KIF26B: variants seen among roughly 807,000 people sequenced by gnomAD.
KIF26B encodes kinesin family member 26B, also known as kinesin-like protein KIF26B.
Under a neutral mutation model 151.2 loss-of-function variants are expected in KIF26B, and 63 were observed. That is an observed-to-expected ratio of 0.42 (90% CI 0.34 to 0.51). The LOEUF (loss-of-function observed/expected upper bound fraction) is 0.51, where lower values mean the gene tolerates loss of function less well. Ranked by LOEUF, KIF26B falls within the 20% of genes least tolerant of loss-of-function variation. The pLI, the probability that KIF26B is intolerant of heterozygous loss-of-function variation, is 0.07. For synonymous variants in KIF26B, 1,357 were observed against 1,262.1 expected (o/e 1.08, Z -1.59); for missense variants, 2,813 against 2,913.6 (o/e 0.97, Z 0.79).
Position 245,157,878 on chromosome 1 carries a change from C to T in KIF26B, c.465+1195C>T, listed in dbSNP as rs547543080. Among the ~76,000 whole-genome samples the T allele has an allele frequency of 7.2e-5, 11 of 152,370 alleles. No individual in the cohort carries two copies. In the East Asian group the frequency reaches 2.1e-3, roughly 29 times the overall value. On this transcript the variant is annotated intron_variant, in intron 2 of 14. Transcript: ENST00000407071. The stretch of plus-strand genomic sequence containing the variant: ...TTCTTCATTCACAGATTTATTTGCT[C>T]TCGTGATCCTTCATCAATATTCATT...
chr1:245,613,760 C>CCA (rs2043553889), intron 9 of KIF26B, among the ~76,000 whole-genome samples: 4 of 152,230 alleles, frequency 2.6e-5, no homozygotes, highest in Admixed American at 2.6e-4. Flanking sequence ...CTCCCTTCCC[C>CCA]CACCTCGGTG....
Position 245,412,078 on chromosome 1 carries a change from G to A in KIF26B, c.1000-7501G>A, listed in dbSNP as rs137977983. 5.8e-4 allele frequency among the ~76,000 whole-genome samples: 89 copies of A among 152,234 alleles called. 1 individual carries two copies. In the East Asian group the frequency reaches 0.015, roughly 25 times the overall value. ...TTCTGGCATATTCTAAGAGCATAAC[G>A]GCTGACAGCATAGACACATCCTAAG... On this transcript the variant is annotated intron_variant, in intron 3 of 14. Transcript: ENST00000407071.
At chr1:245,212,095 G>A (rs1028309924) in intron 2 of KIF26B, among the ~76,000 whole-genome samples, 3 of 152,156 alleles carry the variant, frequency 2.0e-5, no homozygotes, top group Non-Finnish European at 2.9e-5. Flanking sequence ...GACCCTTCCC[G>A]ACAACACTGC....
chr1:245,483,894 A>G (rs1423140907), intron 4 of KIF26B, among the ~76,000 whole-genome samples: 1 of 151,852 alleles, frequency 6.6e-6, no homozygotes, highest in East Asian at 1.9e-4. Context: ...ACTCTTAGTA[A>G]TGTATTAGTA....
chr1:245,416,834 T>C (rs939350915), intron 3 of KIF26B, among the ~76,000 whole-genome samples: 2 of 152,220 alleles, frequency 1.3e-5, no homozygotes, highest in African/African-American at 2.4e-5. Context: ...TGGTCTGTTA[T>C]TTCTGAAAGT....
intron 2 of KIF26B, among the ~76,000 whole-genome samples, chr1:245,350,189 G>C (rs745505170): frequency 5.3e-5 from 8 of 152,110 alleles, no homozygotes; most frequent in Non-Finnish European, 8.8e-5. Flanking sequence ...TCAGAGGTGT[G>C]CACAGGGCTG....
At chr1:245,182,976 C>T (rs1668935157) in intron 2 of KIF26B, among the ~76,000 whole-genome samples, 1 of 152,206 alleles carries the variant, frequency 6.6e-6, no homozygotes, top group African/African-American at 2.4e-5. Context: ...AATGGCAGCA[C>T]CATTTTATAT....
chr1:245,560,853 T>C lies in KIF26B; in HGVS notation c.1350+19903T>C, dbSNP rs2042940288. Among the ~76,000 whole-genome samples the C allele has an allele frequency of 6.6e-6, 1 of 152,124 alleles. No homozygotes were observed. The highest frequency in any genetic ancestry group is 1.5e-5 in the Non-Finnish European group (1 of 68,026). Reference sequence around the variant, plus strand: ...CCTCCGCAGACTCCCGTGTGTGTGCTCTGGAGAGAAAAGATTCTGGATTTG... The same window carrying C: ...CCTCCGCAGACTCCCGTGTGTGTGCCCTGGAGAGAAAAGATTCTGGATTTG... On this transcript the variant is annotated intron_variant, in intron 5 of 14. Transcript: ENST00000407071. This position sits in a 1 kb window ranked among gnomAD's most constrained non-coding sequence, Gnocchi z 4.3.
intron 3 of KIF26B, among the ~76,000 whole-genome samples, chr1:245,408,115 A>C (rs1362813386): frequency 6.6e-6 from 1 of 152,118 alleles, no homozygotes; most frequent in African/African-American, 2.4e-5. Context: ...CTCTGGCCTG[A>C]CCCTGACATC....
In KIF26B at chr1:245,686,016, G is replaced by A. The variant is rs375127882; in HGVS notation, c.3033G>A (p.Ala1011=). ...MQRSHSPVPA[A]APAHSPSPAS... The stretch of plus-strand genomic sequence containing the variant: ...GGAGTCACTCACCTGTGCCCGCCGC[G>A]GCACCCGCCCACAGCCCCAGCCCGG... Residue 1011 remains alanine, a synonymous_variant, in exon 12 of 15, where the codon GCG becomes GCA. Transcript: ENST00000407071. This position sits in a 1 kb window ranked among gnomAD's most constrained non-coding sequence, Gnocchi z 5.6. 1.9e-4 allele frequency: 300 copies of A among 1,592,004 alleles called. No homozygotes were observed. The African/African-American group carries it at 3.5e-3, about 18-fold the overall frequency.
chr1:245,691,501 G>A (rs182704291), intron 12 of KIF26B, among the ~76,000 whole-genome samples: 4 of 152,326 alleles, frequency 2.6e-5, no homozygotes, highest in African/African-American at 9.6e-5. Flanking sequence ...TTCAGGTTAG[G>A]TGACCTTGTC....
chr1:245,685,892 G>A lies in KIF26B; in HGVS notation c.2909G>A (p.Gly970Glu). Residue 970 changes from glycine to glutamate, a missense_variant, in exon 12 of 15, where the codon GGG (glycine) becomes GAG (glutamate). Gly to Glu is a moderately conservative substitution (Grantham distance 98). Coordinates refer to ENST00000407071, the MANE Select transcript of KIF26B (RefSeq NM_018012.4). ...SRGPRLSQAAGASPLSESDKE... is the reference protein window; with the variant it reads ...SRGPRLSQAAEASPLSESDKE... ...GGCCCCCGGTTAAGCCAAGCAGCGGGGGCAAGCCCACTCTCTGAGTCTGAT... is the reference window on the plus strand; with the variant it reads ...GGCCCCCGGTTAAGCCAAGCAGCGGAGGCAAGCCCACTCTCTGAGTCTGAT... 2.5e-6 allele frequency: 4 copies of A among 1,612,990 alleles called. No individual in the cohort carries two copies. Among genetic ancestry groups the A allele is most frequent in the Admixed American group, 1.7e-5 (1 of 59,976 alleles).
At position 245,703,681 on chromosome 1, in the gene KIF26B, G is replaced by C. The variant is rs1402199941; in HGVS notation, c.*1075G>C. 1 of 152,190 alleles carries C rather than the reference G, an allele frequency of 6.6e-6. No individual in the cohort carries two copies. Among genetic ancestry groups the C allele is most frequent in the Non-Finnish European group, 1.5e-5 (1 of 68,036 alleles). The allele number at this position is 152,190 out of a possible 1,614,324, so 9.4% of individuals were successfully genotyped here. On this transcript the variant is annotated 3_prime_UTR_variant, in exon 15 of 15. Coordinates refer to ENST00000407071, the MANE Select transcript of KIF26B (RefSeq NM_018012.4). ...TCTTTCTTTAGTATTTTCTAGTGTTGTGTTGTAGATTGATTAAAGTGGGTT... is the reference window on the plus strand; with the variant it reads ...TCTTTCTTTAGTATTTTCTAGTGTTCTGTTGTAGATTGATTAAAGTGGGTT...
intron 4 of KIF26B, among the ~76,000 whole-genome samples, chr1:245,430,907 A>G (rs1658761962): frequency 1.3e-5 from 2 of 152,216 alleles, no homozygotes; most frequent in South Asian, 4.1e-4. Flanking sequence ...AGAGGCCACA[A>G]GCCAGAATAT....
chr1:245,482,154 C>T (rs61470376), intron 4 of KIF26B, among the ~76,000 whole-genome samples: 27,482 of 151,692 alleles, frequency 0.18, 2,955 homozygotes, highest in East Asian at 0.25. Flanking sequence ...TGCAGTGGCA[C>T]GATCTCGGCT....
intron 4 of KIF26B, among the ~76,000 whole-genome samples, chr1:245,480,807 A>C (rs1022871416): frequency 4.0e-5 from 6 of 151,070 alleles, no homozygotes; most frequent in Non-Finnish European, 7.4e-5. Context: ...GAGAGAGAGA[A>C]ATGTTTAAAG....
chr1:245,694,476 T>C (rs1254369790), intron 12 of KIF26B, among the ~76,000 whole-genome samples: 1 of 152,196 alleles, frequency 6.6e-6, no homozygotes, highest in Non-Finnish European at 1.5e-5. Context: ...CAGGGGGAGC[T>C]GAGAGGGCTC....
At chr1:245,419,462 G>A in intron 3 of KIF26B, 117 bp from the exon 4 acceptor site, 1 of 856,662 alleles carries the variant, frequency 1.2e-6, no homozygotes, top group Non-Finnish European at 1.8e-6. Flanking sequence ...ACTGAATGCA[G>A]GTGGGATAGA....
chr1:245,206,638 G>A (rs940027467), intron 2 of KIF26B: 1 of 152,174 alleles, frequency 6.6e-6, no homozygotes, highest in Non-Finnish European at 1.5e-5. Flanking sequence ...GGAGAATACT[G>A]GAGAGTGGTC....
Sources: gnomAD v4.1 joint callset for allele counts (sites outside exome capture counted in the v4.1 genomes callset) on GRCh38, gnomAD v4.1.1 for gene constraint, Gnocchi (gnomAD v3.1) non-coding constraint, MANE v1.5 for transcripts, NCBI Gene and HGNC (gene_info 2026-07-23, HGNC 2026-07-21) for gene names.